The following ZNG1B variants were observed in gnomAD, a reference collection of about 807,000 sequenced individuals.
ZNG1B encodes zinc-regulated GTPase metalloprotein activator 1B.
chr2:113,462,961 A>T, the ZNG1B span: 3 of 137,524 alleles, frequency 2.2e-5, no homozygotes, highest in Admixed American at 8.1e-5. Context: ...CCCCCTTCCT[A>T]TGTGAAGTCT....
chr2:113,438,322 A>T, the ZNG1B span, among the ~76,000 whole-genome samples: 23 of 152,086 alleles, frequency 1.5e-4, no homozygotes, highest in African/African-American at 5.6e-4. Context: ...CTACCAAGTT[A>T]TCTTACCTTC....
the ZNG1B span, among the ~76,000 whole-genome samples, chr2:113,484,825 G>A: frequency 3.4e-5 from 5 of 148,932 alleles, no homozygotes; most frequent in South Asian, 2.1e-4. Flanking sequence ...ACCATGCCTA[G>A]CTAATTTTTG....
At chr2:113,473,246 C>T in the ZNG1B span, among the ~76,000 whole-genome samples, 1 of 151,406 alleles carries the variant, frequency 6.6e-6, no homozygotes, top group Non-Finnish European at 1.5e-5. Flanking sequence ...CTCTTTGAAG[C>T]AATTGTGAAT....
chr2:113,474,044 A>G, the ZNG1B span, among the ~76,000 whole-genome samples: 1 of 151,802 alleles, frequency 6.6e-6, no homozygotes, highest in East Asian at 1.9e-4. Flanking sequence ...ATTGATTGGA[A>G]TAGTTTCAGA....
chr2:113,471,638 C>G, the ZNG1B span, among the ~76,000 whole-genome samples: 8 of 144,822 alleles, frequency 5.5e-5, no homozygotes, highest in Admixed American at 3.4e-4. Context: ...CCCCCTCCCC[C>G]CAACCCACAA....
chr2:113,483,323 T>C, the ZNG1B span, among the ~76,000 whole-genome samples: 2 of 151,996 alleles, frequency 1.3e-5, no homozygotes, highest in South Asian at 2.1e-4. Flanking sequence ...GCGGTTACGA[T>C]GCCTTGCAGT....
the ZNG1B span, chr2:113,495,242 C>T: frequency 6.6e-7 from 1 of 1,512,898 alleles, no homozygotes; most frequent in Non-Finnish European, 8.9e-7. Context: ...ATCGATTGGT[C>T]CTCCTTGGTA....
the ZNG1B span, among the ~76,000 whole-genome samples, chr2:113,477,226 C>CT: frequency 7.2e-5 from 11 of 152,210 alleles, no homozygotes; most frequent in Non-Finnish European, 1.0e-4. Flanking sequence ...CGTGGTGCGC[C>CT]TTTTTTTAAG....
chr2:113,460,162 G>GT, the ZNG1B span, among the ~76,000 whole-genome samples: 1 of 144,338 alleles, frequency 6.9e-6, no homozygotes, highest in Non-Finnish European at 1.5e-5. Context: ...CTGAGTTCAC[G>GT]TGGTGCATGA....
the ZNG1B span, among the ~76,000 whole-genome samples, chr2:113,459,605 A>AT: frequency 6.6e-6 from 1 of 151,676 alleles, no homozygotes; most frequent in African/African-American, 2.4e-5. Flanking sequence ...AGGGTGTTAG[A>AT]TTTAGTTTCT....
the ZNG1B span, among the ~76,000 whole-genome samples, chr2:113,483,192 A>G: frequency 1.3e-5 from 2 of 152,278 alleles, no homozygotes; most frequent in Admixed American, 1.3e-4. Flanking sequence ...TTCTGGGTAA[A>G]GAACGTGATG....
the ZNG1B span, among the ~76,000 whole-genome samples, chr2:113,472,254 A>C: frequency 6.6e-6 from 1 of 151,818 alleles, no homozygotes; most frequent in Non-Finnish European, 1.5e-5. Context: ...GCATTTTTTC[A>C]TGTGTTCTTT....
At chr2:113,472,230 G>T in the ZNG1B span, among the ~76,000 whole-genome samples, 1 of 151,980 alleles carries the variant, frequency 6.6e-6, no homozygotes, top group Non-Finnish European at 1.5e-5. Context: ...TTCTCTGATG[G>T]CCAGTGATGG....
the ZNG1B span, chr2:113,460,797 A>T: frequency 6.4e-7 from 1 of 1,561,752 alleles, no homozygotes; most frequent in South Asian, 1.2e-5. Flanking sequence ...CCAAAAACAA[A>T]CTAAGAAATT....
chr2:113,471,535 G>A, the ZNG1B span, among the ~76,000 whole-genome samples: 2 of 151,058 alleles, frequency 1.3e-5, no homozygotes, highest in Admixed American at 1.3e-4. Flanking sequence ...ACAATGTGCA[G>A]GTTAGTTACA....
At chr2:113,456,258 G>A in the ZNG1B span, among the ~76,000 whole-genome samples, 2 of 152,086 alleles carry the variant, frequency 1.3e-5, no homozygotes, top group African/African-American at 2.4e-5. Context: ...CCCAAATACA[G>A]TATTACAGTT....
the ZNG1B span, among the ~76,000 whole-genome samples, chr2:113,450,435 A>G: frequency 9.3e-5 from 14 of 150,482 alleles, no homozygotes; most frequent in Non-Finnish European, 1.6e-4. Flanking sequence ...AAATGAATTA[A>G]TTGGTTAAGT....
the ZNG1B span, among the ~76,000 whole-genome samples, chr2:113,484,942 G>T: frequency 6.6e-6 from 1 of 152,106 alleles, no homozygotes; most frequent in East Asian, 1.9e-4. Context: ...TGGGATTACA[G>T]GCATGAGCCA....
the ZNG1B span, chr2:113,444,995 A>ATG: frequency 6.2e-7 from 1 of 1,610,768 alleles, no homozygotes; most frequent in South Asian, 1.1e-5. Flanking sequence ...TGAGAATTTG[A>ATG]TGCAAAAGAA....
Sources: gnomAD v4.1 joint callset for allele counts (sites outside exome capture counted in the v4.1 genomes callset) on GRCh38, gnomAD v4.1.1 for gene constraint, MANE v1.5 for transcripts, NCBI Gene and HGNC (gene_info 2026-07-23, HGNC 2026-07-21) for gene names.